The following KANK1 variants were observed in gnomAD, a reference collection of about 807,000 sequenced individuals.
KANK1 encodes the protein KN motif and ankyrin repeat domains 1, also known as KN motif and ankyrin repeat domain-containing protein 1.
KANK1 carries 109 observed loss-of-function variants against 106.2 expected under a neutral mutation model. The ratio of observed to expected loss-of-function variants is 1.03; its 90% CI spans 0.88 to 1.20. The LOEUF is 1.20. KANK1 is among the 50% of genes most tolerant of loss of function. KANK1 has a pLI of 0.00. For missense variants in KANK1, 2,399 were observed against 1,710.7 expected (o/e 1.40, Z -7.10); for synonymous variants, 873 against 652.2 (o/e 1.34, Z -5.16).
intron 3 of KANK1, among the ~76,000 whole-genome samples, chr9:724,689 C>T (rs1830222716): frequency 6.6e-6 from 1 of 152,040 alleles, no homozygotes; most frequent in Non-Finnish European, 1.5e-5. Flanking sequence ...GTAATCCCAG[C>T]TACTCAGGAG....
At chr9:727,009 G>A (rs780001717) in intron 3 of KANK1, among the ~76,000 whole-genome samples, 5 of 152,210 alleles carry the variant, frequency 3.3e-5, no homozygotes, top group Admixed American at 6.5e-5. Flanking sequence ...TATTTTCTCC[G>A]TATTATTGTA....
chr9:719,064 A>G (rs1828573675), intron 3 of KANK1, among the ~76,000 whole-genome samples: 1 of 142,794 alleles, frequency 7.0e-6, no homozygotes, highest in Non-Finnish European at 1.5e-5. Context: ...GGTTCAAGTG[A>G]TTGTCCTGCC....
At chr9:546,846 A>C (rs2060963610) in intron 1 of KANK1, among the ~76,000 whole-genome samples, 2 of 152,152 alleles carry the variant, frequency 1.3e-5, no homozygotes, top group Non-Finnish European at 2.9e-5. Flanking sequence ...ATAAGGCTCT[A>C]ATGCATAGTT....
At chr9:673,142 A>G (rs1815578325) in intron 1 of KANK1, among the ~76,000 whole-genome samples, 1 of 151,710 alleles carries the variant, frequency 6.6e-6, no homozygotes, top group African/African-American at 2.4e-5. Context: ...AATACACAAT[A>G]TACAACTGTT....
chr9:621,794 C>T (rs1448360605), intron 1 of KANK1, among the ~76,000 whole-genome samples: 1 of 151,972 alleles, frequency 6.6e-6, no homozygotes, highest in African/African-American at 2.4e-5. Context: ...TTCCTGAATC[C>T]CCACATTACC....
At chr9:472,270 C>T (rs892334025) in intron 2 of KANK1, among the ~76,000 whole-genome samples, 1 of 152,206 alleles carries the variant, frequency 6.6e-6, no homozygotes, top group Admixed American at 6.5e-5. Context: ...TCAATGTCAC[C>T]ACTGAGAAGC....
chr9:550,672 T>C (rs559565729), intron 1 of KANK1, among the ~76,000 whole-genome samples: 1 of 152,198 alleles, frequency 6.6e-6, no homozygotes, highest in Non-Finnish European at 1.5e-5. Context: ...GATTAAATTC[T>C]CTCACGTGCA....
intron 3 of KANK1, among the ~76,000 whole-genome samples, chr9:492,408 C>T (rs79545216): frequency 1.3e-5 from 2 of 152,124 alleles, no homozygotes; most frequent in African/African-American, 4.8e-5. Context: ...TGCTGATTTA[C>T]TTACTAGATG....
At chr9:490,227 C>T (rs948928996) in intron 3 of KANK1, among the ~76,000 whole-genome samples, 1 of 152,160 alleles carries the variant, frequency 6.6e-6, no homozygotes, top group African/African-American at 2.4e-5. Context: ...GACAGTCAGG[C>T]ACAGCAGTTC....
intron 1 of KANK1, among the ~76,000 whole-genome samples, chr9:640,836 A>C (rs1175061362): frequency 6.6e-6 from 1 of 151,488 alleles, no homozygotes; most frequent in African/African-American, 2.4e-5. Flanking sequence ...AGCTGGACCT[A>C]CATGTGCCCG....
intron 2 of KANK1, among the ~76,000 whole-genome samples, chr9:681,306 G>A (rs956822973): frequency 6.6e-6 from 1 of 152,190 alleles, no homozygotes; most frequent in Non-Finnish European, 1.5e-5. Flanking sequence ...ATCATAAATT[G>A]CTCTTGACTG....
chr9:521,447 G>A (rs542986599), intron 1 of KANK1, among the ~76,000 whole-genome samples: 1 of 151,562 alleles, frequency 6.6e-6, no homozygotes, highest in African/African-American at 2.4e-5. Flanking sequence ...TTCTTCCTGA[G>A]CTCTTAACCT....
intron 1 of KANK1, among the ~76,000 whole-genome samples, chr9:581,184 G>C (rs1328073038): frequency 6.6e-6 from 1 of 152,320 alleles, no homozygotes; most frequent in Non-Finnish European, 1.5e-5. Flanking sequence ...AGCAGAGGGA[G>C]CCGGCTCCGG....
chr9:528,039 G>A (rs990547538), intron 1 of KANK1, among the ~76,000 whole-genome samples: 12 of 151,592 alleles, frequency 7.9e-5, no homozygotes, highest in African/African-American at 2.4e-4. Context: ...AGGCTGAGGC[G>A]GGAGAATGGC....
chr9:494,298 A>AT (rs1395334211), intron 3 of KANK1, among the ~76,000 whole-genome samples: 4 of 152,190 alleles, frequency 2.6e-5, no homozygotes, highest in Non-Finnish European at 1.5e-5. Flanking sequence ...ACAAGCATTC[A>AT]TTTTTTATAT....
At position 711,743 on chromosome 9, in the gene KANK1, C is replaced by T. The variant is rs765344155; in HGVS notation, c.977C>T (p.Ala326Val). The change falls in exon 3 of 12, where the codon GCG becomes GTG. Residue 326 changes from alanine to valine, a missense_variant. Transcript: ENST00000382297. Reference sequence around the variant, plus strand: ...GGTGTGAGGAAGCGGTCCTATAGTGCGGGGAACGCCTCCCAGCTGGAACAG... The same window carrying T: ...GGTGTGAGGAAGCGGTCCTATAGTGTGGGGAACGCCTCCCAGCTGGAACAG... ...VCGVRKRSYS[A>V]GNASQLEQLS... is the part of the protein sequence containing the mutation. 2.3e-5 allele frequency: 37 copies of T among 1,614,050 alleles called. No individual in the cohort carries two copies. In the East Asian group the frequency reaches 3.6e-4, roughly 16 times the overall value.
chr9:591,404 T>C (rs559149114), intron 1 of KANK1, among the ~76,000 whole-genome samples: 1 of 151,972 alleles, frequency 6.6e-6, no homozygotes, highest in East Asian at 1.9e-4. Context: ...CATCTTGGCA[T>C]ACCCCTGCCT....
chr9:594,875 C>G lies in KANK1; in HGVS notation c.-83-82015C>G, dbSNP rs1046073131. On this transcript the variant is annotated intron_variant, in intron 1 of 11. Coordinates refer to ENST00000382297, the MANE Select transcript of KANK1 (RefSeq NM_015158.5). ...CAACCTTTAATGTATAAAACAAATC[C>G]TTTTGATTCAGCCACTGTGTATTGA... Among the ~76,000 whole-genome samples the G allele has an allele frequency of 3.5e-4, 53 of 151,796 alleles. 2 individuals carry two copies. The highest frequency in any genetic ancestry group is 1.2e-3 in the African/African-American group (50 of 41,196).
At chr9:694,719 C>CA (rs1341877735) in intron 2 of KANK1, among the ~76,000 whole-genome samples, 1 of 152,178 alleles carries the variant, frequency 6.6e-6, no homozygotes, top group Non-Finnish European at 1.5e-5. Flanking sequence ...GTCTTCCCCT[C>CA]ACTCTTACGT....
Sources: allele counts gnomAD v4.1 joint callset (sites outside exome capture counted in the v4.1 genomes callset), GRCh38; gene constraint gnomAD v4.1.1; transcripts MANE v1.5; gene names NCBI Gene and HGNC (gene_info 2026-07-23, HGNC 2026-07-21).